CSMD1: variants seen among roughly 807,000 people sequenced by gnomAD.
CSMD1 encodes the protein CUB and Sushi multiple domains 1.
In CSMD1, 213 loss-of-function variants were observed where a neutral mutation model predicts 417.5. The ratio of observed to expected loss-of-function variants is 0.51; its 90% CI spans 0.46 to 0.57. The LOEUF (loss-of-function observed/expected upper bound fraction) is 0.57, where lower values mean the gene tolerates loss of function less well. Ranked by LOEUF, CSMD1 falls within the 20% of genes least tolerant of loss-of-function variation. CSMD1 has a pLI of 0.00. For missense variants in CSMD1, 6,923 were observed against 4,529.7 expected, an observed-to-expected ratio of 1.53 and a Z score of -15.17; for synonymous variants, 2,862 against 1,736.8, an observed-to-expected ratio of 1.65 and a Z score of -16.11.
At chr8:4,989,125 G>A (rs1222231726) in intron 1 of CSMD1, among the ~76,000 whole-genome samples, 5 of 152,172 alleles carry the variant, frequency 3.3e-5, no homozygotes, top group Non-Finnish European at 5.9e-5. Context: ...GTTCTGGAAT[G>A]GACAACTAGT....
At chr8:4,509,777 T>C (rs1554499666) in intron 2 of CSMD1, among the ~76,000 whole-genome samples, 1 of 152,168 alleles carries the variant, frequency 6.6e-6, no homozygotes, top group Non-Finnish European at 1.5e-5. Context: ...CTAAATATCA[T>C]ATTATCATTA....
intron 2 of CSMD1, among the ~76,000 whole-genome samples, chr8:4,479,012 T>G (rs1800948556): frequency 6.6e-6 from 1 of 152,194 alleles, no homozygotes; most frequent in African/African-American, 2.4e-5. Context: ...AAAACACTGT[T>G]GCAATTCCTA....
chr8:3,340,908 G>C (rs1807599341), intron 23 of CSMD1, among the ~76,000 whole-genome samples: 1 of 152,130 alleles, frequency 6.6e-6, no homozygotes, highest in Non-Finnish European at 1.5e-5. Flanking sequence ...AATTACTCCT[G>C]TCAAATTGAT....
At chr8:3,475,157 G>A (rs1488510792) in intron 11 of CSMD1, among the ~76,000 whole-genome samples, 1 of 151,670 alleles carries the variant, frequency 6.6e-6, no homozygotes, top group South Asian at 2.1e-4. Context: ...GAGGATTCTC[G>A]CTGGGCATTT....
chr8:4,382,534 A>C (rs76394681), intron 3 of CSMD1, among the ~76,000 whole-genome samples: 1 of 152,186 alleles, frequency 6.6e-6, no homozygotes, highest in Non-Finnish European at 1.5e-5. Context: ...TATTGCAAAA[A>C]GGATTATAAA....
At chr8:4,101,532 T>C (rs1032725442) in intron 3 of CSMD1, among the ~76,000 whole-genome samples, 9 of 152,194 alleles carry the variant, frequency 5.9e-5, no homozygotes, top group Admixed American at 5.2e-4. Context: ...CCAGGAAACA[T>C]ACCTAAAAAA....
At chr8:4,672,917 C>T (rs1391198182) in intron 1 of CSMD1, among the ~76,000 whole-genome samples, 1 of 152,072 alleles carries the variant, frequency 6.6e-6, no homozygotes, top group Non-Finnish European at 1.5e-5. Context: ...CATTCACAAA[C>T]ATGGCGACAT....
At chr8:4,558,651 G>A (rs897627809) in intron 2 of CSMD1, among the ~76,000 whole-genome samples, 2 of 152,120 alleles carry the variant, frequency 1.3e-5, no homozygotes, top group Non-Finnish European at 2.9e-5. Context: ...TGGATCATCT[G>A]AGGTCAGGAG....
At chr8:3,602,067 T>A (rs76090328) in intron 8 of CSMD1, among the ~76,000 whole-genome samples, 2 of 152,092 alleles carry the variant, frequency 1.3e-5, no homozygotes, top group Non-Finnish European at 1.5e-5. Context: ...TGGAGATGGA[T>A]GGTGGTCATG....
chr8:4,828,755 T>A (rs2117428284), intron 1 of CSMD1, among the ~76,000 whole-genome samples: 1 of 152,322 alleles, frequency 6.6e-6, no homozygotes, highest in East Asian at 1.9e-4. Context: ...GTACATTACC[T>A]AGGCTCCTCA....
At chr8:3,803,920 CAA>C (rs1449411976) in intron 5 of CSMD1, among the ~76,000 whole-genome samples, 4 of 152,120 alleles carry the variant, frequency 2.6e-5, no homozygotes, top group Middle Eastern at 3.4e-3. Context: ...GGTTAAGAGA[CAA>C]AGTTTCTCTT....
At chr8:4,295,307 T>G (rs1797613350) in intron 3 of CSMD1, among the ~76,000 whole-genome samples, 1 of 112,250 alleles carries the variant, frequency 8.9e-6, no homozygotes, top group Non-Finnish European at 2.1e-5. Flanking sequence ...ATTATCTATA[T>G]AATCTTAAGA....
chr8:3,399,860 T>G (rs557359585), intron 15 of CSMD1, among the ~76,000 whole-genome samples: 27 of 152,336 alleles, frequency 1.8e-4, no homozygotes, highest in African/African-American at 6.0e-4. Flanking sequence ...TTTACATGCA[T>G]TTGGAATTTA....
chr8:4,197,882 G>A (rs551369994), intron 3 of CSMD1, among the ~76,000 whole-genome samples: 1 of 151,966 alleles, frequency 6.6e-6, no homozygotes, highest in Non-Finnish European at 1.5e-5. Context: ...CCATCTAAAA[G>A]TTAAGAAGAA....
chr8:3,403,822 C>G (rs1394355734), intron 15 of CSMD1, among the ~76,000 whole-genome samples: 2 of 152,164 alleles, frequency 1.3e-5, no homozygotes, highest in African/African-American at 4.8e-5. Context: ...TATATTTACT[C>G]ATTTATAAAA....
At chr8:3,623,246 G>C (rs1027374656) in intron 7 of CSMD1, among the ~76,000 whole-genome samples, 1 of 152,132 alleles carries the variant, frequency 6.6e-6, no homozygotes, top group Non-Finnish European at 1.5e-5. Flanking sequence ...CATTAGATCT[G>C]CACAAAACCT....
chr8:4,459,265 C>T (rs1013011520), intron 2 of CSMD1, among the ~76,000 whole-genome samples: 3 of 152,214 alleles, frequency 2.0e-5, no homozygotes, highest in Non-Finnish European at 4.4e-5. Context: ...GGTCAAAATG[C>T]TGCAGTTCCT....
At chr8:4,682,900 T>C (rs1164269076) in intron 1 of CSMD1, among the ~76,000 whole-genome samples, 3 of 148,272 alleles carry the variant, frequency 2.0e-5, no homozygotes, top group Non-Finnish European at 4.5e-5. Context: ...TTAATAACTT[T>C]GGAACATTTT....
At chr8:3,965,268 T>G (rs1229064939) in intron 5 of CSMD1, among the ~76,000 whole-genome samples, 3 of 152,186 alleles carry the variant, frequency 2.0e-5, no homozygotes, top group Non-Finnish European at 2.9e-5. Flanking sequence ...GTCTCCTCCC[T>G]TAAACAGGGA....
Sources: gnomAD v4.1 joint callset for allele counts (sites outside exome capture counted in the v4.1 genomes callset) on GRCh38, gnomAD v4.1.1 for gene constraint, MANE v1.5 for transcripts, NCBI Gene and HGNC (gene_info 2026-07-23, HGNC 2026-07-21) for gene names.